Variants in AFDN observed in about 807,000 individuals in gnomAD.
AFDN encodes afadin, adherens junction formation factor.
AFDN carries 68 observed loss-of-function variants against 216.6 expected under a neutral mutation model. The observed-to-expected ratio is 0.31, with a 90% CI of 0.26 to 0.38. The LOEUF (loss-of-function observed/expected upper bound fraction) is 0.38, where lower values mean the gene tolerates loss of function less well. AFDN is among the 10% of genes least tolerant of loss of function. AFDN has a pLI of 1.00. For synonymous variants in AFDN, 868 were observed against 853.7 expected (o/e 1.02, Z -0.29); for missense variants, 2,136 against 2,342.0 (o/e 0.91, Z 1.82).
At chr6:167,897,001 T>C (rs778246639) in intron 10 of AFDN, 29 bp downstream of exon 10, 6 of 1,336,980 alleles carry the variant, frequency 4.5e-6, no homozygotes, top group Non-Finnish European at 6.5e-6. Context: ...CTGCTGCAAC[T>C]CTGACATTCC....
chr6:167,868,573 A>G (rs932702837), intron 2 of AFDN, among the ~76,000 whole-genome samples: 2 of 152,102 alleles, frequency 1.3e-5, no homozygotes. Context: ...TGAGTTTAGG[A>G]CTTGAACCAG....
At chr6:167,891,787 A>G (rs1787648752) in intron 8 of AFDN, among the ~76,000 whole-genome samples, 1 of 152,074 alleles carries the variant, frequency 6.6e-6, no homozygotes, top group Non-Finnish European at 1.5e-5. Context: ...TTCTTATTTC[A>G]TTATTAAATG....
intron 1 of AFDN, among the ~76,000 whole-genome samples, chr6:167,857,947 A>G (rs1365036175): frequency 6.6e-6 from 1 of 152,198 alleles, no homozygotes; most frequent in Non-Finnish European, 1.5e-5. Context: ...AAAGATTATG[A>G]TTGAGTTATA....
chr6:167,878,108 A>G (rs1419429051), intron 5 of AFDN, among the ~76,000 whole-genome samples: 1 of 152,092 alleles, frequency 6.6e-6, no homozygotes, highest in Non-Finnish European at 1.5e-5. Flanking sequence ...CAGAATTGTA[A>G]GAGAAGTTTT....
At chr6:167,931,799 C>T (rs944388068) in intron 23 of AFDN, among the ~76,000 whole-genome samples, 3 of 152,020 alleles carry the variant, frequency 2.0e-5, no homozygotes, top group Admixed American at 1.3e-4. Flanking sequence ...CACCGTTAGC[C>T]CTGCCCTGCG....
At chr6:167,868,000 C>G (rs1784378185) in intron 2 of AFDN, among the ~76,000 whole-genome samples, 1 of 152,164 alleles carries the variant, frequency 6.6e-6, no homozygotes, top group Non-Finnish European at 1.5e-5. Context: ...TAGTAAGACC[C>G]TTGTGCCGTC....
intron 23 of AFDN, among the ~76,000 whole-genome samples, chr6:167,926,032 C>G (rs893389249): frequency 6.6e-6 from 1 of 152,174 alleles, no homozygotes; most frequent in Non-Finnish European, 1.5e-5. Context: ...CTGAATTACA[C>G]AGTTAATGTG....
chr6:167,892,047 T>C (rs1294936047), intron 8 of AFDN, among the ~76,000 whole-genome samples: 1 of 152,226 alleles, frequency 6.6e-6, no homozygotes, highest in East Asian at 1.9e-4. Flanking sequence ...TAACTAATGA[T>C]TACATACGAT....
At chr6:167,851,767 A>G (rs1395646902) in intron 1 of AFDN, among the ~76,000 whole-genome samples, 1 of 152,178 alleles carries the variant, frequency 6.6e-6, no homozygotes, top group African/African-American at 2.4e-5. Flanking sequence ...TGCTTTTTGT[A>G]TGACACACCT....
intron 2 of AFDN, among the ~76,000 whole-genome samples, chr6:167,868,149 G>A (rs572513770): frequency 2.6e-5 from 4 of 152,250 alleles, no homozygotes; most frequent in South Asian, 4.1e-4. Flanking sequence ...CGTTTGTACT[G>A]CCTCATCTAG....
At chr6:167,963,399 ACAACTTCTG>A (rs2128750350) in intron 31 of AFDN, 1 of 1,056,266 alleles carries the variant, frequency 9.5e-7, no homozygotes, top group East Asian at 5.3e-5. Flanking sequence ...TTTCAGTGTT[ACAACTTCTG>A]ATGGCGGAAA....
intron 23 of AFDN, 97 bp downstream of exon 23, chr6:167,925,188 G>A (rs916172537): frequency 1.8e-5 from 15 of 817,312 alleles, no homozygotes; most frequent in Non-Finnish European, 3.1e-5. Context: ...TTTACCACCT[G>A]TGTATAACGT....
chr6:167,968,249 TGGA>T (rs1278023476), intron 32 of AFDN, among the ~76,000 whole-genome samples: 1 of 152,074 alleles, frequency 6.6e-6, no homozygotes, highest in African/African-American at 2.4e-5. Context: ...TGTCGTAAGG[TGGA>T]GATGTGTTTC....
intron 6 of AFDN, among the ~76,000 whole-genome samples, chr6:167,886,487 G>A (rs1435540215): frequency 6.6e-6 from 1 of 152,148 alleles, no homozygotes; most frequent in Non-Finnish European, 1.5e-5. Flanking sequence ...GCTGGAGGGT[G>A]TTGTGGTGTG....
In AFDN at chr6:167,826,978, C is replaced by G. The variant is rs1779143075; in HGVS notation, c.-155C>G. ...ACTGAGCCCCAGGCGGAGGCCAAGT[C>G]GGAGGACGCGGCGCGGCCGCGGAGG... is the stretch of plus-strand genomic sequence containing the variant. On this transcript the variant is annotated 5_prime_UTR_variant, in exon 1 of 34. Coordinates refer to ENST00000683244, the MANE Select transcript of AFDN (RefSeq NM_001386888.1). 6.2e-6 allele frequency: 1 copy of G among 161,384 alleles called. No homozygotes were observed. Among genetic ancestry groups the G allele is most frequent in the South Asian group, 1.8e-4 (1 of 5,542 alleles). The allele number at this position is 161,384 out of a possible 1,614,324, so 10.0% of individuals were successfully genotyped here.
chr6:167,966,066 A>T, intron 32 of AFDN, 21 bp downstream of exon 32: 1 of 1,540,382 alleles, frequency 6.5e-7, no homozygotes, highest in Non-Finnish European at 8.7e-7. Flanking sequence ...GTACTCCAGC[A>T]CAAGAAAGTC....
At chr6:167,904,607 C>T (rs1789414955) in intron 12 of AFDN, among the ~76,000 whole-genome samples, 1 of 152,146 alleles carries the variant, frequency 6.6e-6, no homozygotes, top group Non-Finnish European at 1.5e-5. Context: ...GATTTTCTTT[C>T]TTAACAAACT....
chr6:167,915,346 C>G lies in AFDN; in HGVS notation c.2478C>G (p.Ile826Met). 1 of 1,614,258 alleles carries G rather than the reference C, an allele frequency of 6.2e-7. No individual in the cohort carries two copies. Among genetic ancestry groups the G allele is most frequent in the Non-Finnish European group, 8.5e-7 (1 of 1,180,048 alleles). ...GLCSHYWGAI[I>M]RQQLGHIEAW... ...GCTCCCATTACTGGGGTGCGATTAT[C>G]CGTCAGCAGTTGGGCCATATTGAAG... Residue 826 changes from isoleucine to methionine, a missense_variant, in exon 19 of 34, where the codon ATC (isoleucine) becomes ATG (methionine). Coordinates refer to ENST00000683244, the MANE Select transcript of AFDN (RefSeq NM_001386888.1).
At chr6:167,921,673 G>GA (rs1207813655) in intron 21 of AFDN, among the ~76,000 whole-genome samples, 2 of 151,606 alleles carry the variant, frequency 1.3e-5, no homozygotes, top group Non-Finnish European at 2.9e-5. Context: ...TGCGGCCCTT[G>GA]AAAAAAATAA....
Sources: allele counts gnomAD v4.1 joint callset (sites outside exome capture counted in the v4.1 genomes callset), GRCh38; gene constraint gnomAD v4.1.1; transcripts MANE v1.5; gene names NCBI Gene and HGNC (gene_info 2026-07-23, HGNC 2026-07-21).